The following DHX35 variants were observed in gnomAD, a reference collection of about 807,000 sequenced individuals.
The protein encoded by DHX35 is DEAH-box helicase 35.
Under a neutral mutation model 99.6 loss-of-function variants are expected in DHX35, and 84 were observed. That is an observed-to-expected ratio of 0.84 (90% CI 0.71 to 1.01). The LOEUF (loss-of-function observed/expected upper bound fraction) is 1.01. Ranked by LOEUF, DHX35 falls within the 50% of genes least tolerant of loss-of-function variation. DHX35 has a pLI of 0.00. For missense variants in DHX35, 852 were observed against 888.5 expected (o/e 0.96, Z 0.52); for synonymous variants, 331 against 316.2 (o/e 1.05, Z -0.50).
chr20:39,004,060 G>T (rs1209712346), intron 11 of DHX35, among the ~76,000 whole-genome samples, 153 bp downstream of exon 11: 1 of 152,042 alleles, frequency 6.6e-6, no homozygotes, highest in Non-Finnish European at 1.5e-5. Flanking sequence ...ATAATACATT[G>T]TGAAGATTTC....
intron 18 of DHX35, 24 bp downstream of exon 18, chr20:39,025,383 G>C: frequency 6.2e-7 from 1 of 1,609,626 alleles, no homozygotes; most frequent in South Asian, 1.1e-5. Context: ...GTCCCAGCTG[G>C]TGACCTCCCT....
intron 8 of DHX35, among the ~76,000 whole-genome samples, chr20:38,999,634 C>T (rs758978844): frequency 1.3e-5 from 2 of 152,232 alleles, no homozygotes; most frequent in African/African-American, 2.4e-5. Flanking sequence ...CGTGTGTGCA[C>T]GTTCACTCAC....
At chr20:39,023,573 G>A (rs1233057301) in intron 16 of DHX35, 117 bp from the exon 17 acceptor site, 20 of 896,872 alleles carry the variant, frequency 2.2e-5, no homozygotes, top group Non-Finnish European at 3.2e-5. Flanking sequence ...GGCTGGTCTC[G>A]AACTTCTGGG....
At chr20:39,000,133 G>A (rs2086494853) in intron 8 of DHX35, among the ~76,000 whole-genome samples, 1 of 152,160 alleles carries the variant, frequency 6.6e-6, no homozygotes, top group African/African-American at 2.4e-5. Context: ...GGGAAGGGAT[G>A]TCTCCCCCTT....
chr20:39,022,219 G>A (rs528169671), intron 16 of DHX35, among the ~76,000 whole-genome samples: 8 of 152,214 alleles, frequency 5.3e-5, no homozygotes, highest in Admixed American at 3.9e-4. Flanking sequence ...GGAATGCAGT[G>A]GCGTGATCTC....
At chr20:39,035,256 G>A (rs2087129939) in intron 21 of DHX35, among the ~76,000 whole-genome samples, 2 of 151,926 alleles carry the variant, frequency 1.3e-5, no homozygotes, top group South Asian at 4.2e-4. Context: ...ATTTTTAGTA[G>A]AGACAGGGTT....
chr20:39,021,050 A>T (rs988866823), intron 15 of DHX35, among the ~76,000 whole-genome samples: 2 of 151,936 alleles, frequency 1.3e-5, no homozygotes, highest in Admixed American at 1.3e-4. Context: ...AGTGTAGTGT[A>T]CTCTGCCTTG....
chr20:39,030,884 C>G (rs533542322), intron 20 of DHX35, 109 bp downstream of exon 20: 6 of 1,266,900 alleles, frequency 4.7e-6, no homozygotes, highest in South Asian at 1.3e-5. Context: ...TGCTCTGGGC[C>G]GGGCGTGGTG....
intron 1 of DHX35, among the ~76,000 whole-genome samples, chr20:38,966,676 G>A (rs34651623): frequency 0.011 from 1,727 of 152,234 alleles, 15 homozygotes; most frequent in Non-Finnish European, 0.017. Context: ...AAAAACAAAA[G>A]CTGATAATAG....
chr20:39,020,065 T>A (rs532489294), intron 15 of DHX35, among the ~76,000 whole-genome samples: 4 of 152,364 alleles, frequency 2.6e-5, no homozygotes, highest in African/African-American at 9.6e-5. Flanking sequence ...AATGACAGTG[T>A]TCTCTTCTTT....
chr20:39,025,894 C>G (rs1293168014), intron 18 of DHX35, among the ~76,000 whole-genome samples: 1 of 152,156 alleles, frequency 6.6e-6, no homozygotes, highest in Non-Finnish European at 1.5e-5. Context: ...CAGGGGTTCT[C>G]CAAATATTCT....
chr20:38,977,097 G>T lies in DHX35; in HGVS notation c.267+4446G>T, dbSNP rs548626797. 3.3e-5 allele frequency among the ~76,000 whole-genome samples: 5 copies of T among 152,058 alleles called. No homozygotes were observed. The East Asian group carries it at 9.7e-4, about 29-fold the overall frequency. On this transcript the variant is annotated intron_variant, in intron 3 of 21. Coordinates refer to ENST00000252011, the MANE Select transcript of DHX35 (RefSeq NM_021931.4). The stretch of plus-strand genomic sequence containing the variant: ...TTTGATGTTCTGGTTTCCTTTCCTG[G>T]GAATAAATACCCAGTAGTGGGATTG...
intron 21 of DHX35, among the ~76,000 whole-genome samples, chr20:39,035,584 A>G (rs1024515827): frequency 6.6e-6 from 1 of 152,200 alleles, no homozygotes; most frequent in Non-Finnish European, 1.5e-5. Context: ...TTAAACATGA[A>G]TTTCTGGTTT....
chr20:39,008,531 A>G (rs771042459), intron 12 of DHX35, among the ~76,000 whole-genome samples: 1 of 152,204 alleles, frequency 6.6e-6, no homozygotes, highest in Non-Finnish European at 1.5e-5. Flanking sequence ...ATCCCTTTGC[A>G]TGAGCAGTTT....
chr20:39,009,505 T>C (rs1317799812), intron 12 of DHX35, among the ~76,000 whole-genome samples: 1 of 152,124 alleles, frequency 6.6e-6, no homozygotes, highest in Non-Finnish European at 1.5e-5. Flanking sequence ...TCAGTTACAA[T>C]GTTGACTGAT....
chr20:38,990,983 GCCCATGTGCTTAAC>G (rs1163875827), intron 5 of DHX35, among the ~76,000 whole-genome samples: 2 of 152,146 alleles, frequency 1.3e-5, no homozygotes, highest in African/African-American at 4.8e-5. Flanking sequence ...TGACACCATA[GCCCATGTGCTTAAC>G]CATGATCCTA....
chr20:39,001,218 C>T (rs2086514791), intron 8 of DHX35, among the ~76,000 whole-genome samples: 1 of 152,150 alleles, frequency 6.6e-6, no homozygotes, highest in African/African-American at 2.4e-5. Context: ...ATGGAGAAGA[C>T]ACTATCCCTG....
Position 38,969,159 on chromosome 20 carries a change from A to G in DHX35, c.119A>G (p.Asn40Ser), listed in dbSNP as rs200264938. 1.9e-6 allele frequency: 3 copies of G among 1,613,480 alleles called. No homozygotes were observed. The East Asian group carries it at 6.7e-5, about 36-fold the overall frequency. ...AACTCTGGGACAACGGTTGTTTACA[A>G]CCCTTATGCTGCCCTTTCCATAGAG... The part of the protein sequence containing the change: ...AENSGTTVVY[N>S]PYAALSIEQQ... Residue 40 changes from asparagine to serine, a missense_variant, in exon 2 of 22, where the codon AAC (asparagine) becomes AGC (serine). By Grantham distance (46) the Asn-to-Ser change is conservative. Transcript: ENST00000252011.
chr20:39,038,303 G>A (rs1039597074), intron 21 of DHX35, among the ~76,000 whole-genome samples, 196 bp from the exon 22 acceptor site: 7 of 152,196 alleles, frequency 4.6e-5, no homozygotes, highest in Non-Finnish European at 7.3e-5. Flanking sequence ...GGTTGCTGGC[G>A]GCTGAATTCA....
Sources: gnomAD v4.1 joint callset for allele counts (sites outside exome capture counted in the v4.1 genomes callset) on GRCh38, gnomAD v4.1.1 for gene constraint, MANE v1.5 for transcripts, NCBI Gene and HGNC (gene_info 2026-07-23, HGNC 2026-07-21) for gene names.